The following SRGAP3 variants were observed in gnomAD, a reference collection of about 807,000 sequenced individuals.
SRGAP3 encodes the protein SLIT-ROBO Rho GTPase activating protein 3, also known as SLIT-ROBO Rho GTPase-activating protein 3.
In SRGAP3, 39 loss-of-function variants were observed where a neutral mutation model predicts 121.1. The ratio of observed to expected loss-of-function variants is 0.32; its 90% CI spans 0.25 to 0.42. The LOEUF (loss-of-function observed/expected upper bound fraction) is 0.42. Ranked by LOEUF, SRGAP3 falls within the 10% of genes least tolerant of loss-of-function variation. The pLI is 1.00. For missense variants in SRGAP3, 1,213 were observed against 1,470.6 expected (o/e 0.82, Z 2.86); for synonymous variants, 601 against 570.0 (o/e 1.05, Z -0.77).
chr3:9,284,647 T>C (rs1426274402), intron 3 of SRGAP3, among the ~76,000 whole-genome samples: 1 of 152,062 alleles, frequency 6.6e-6, no homozygotes, highest in African/African-American at 2.4e-5. Flanking sequence ...CTGAACAACG[T>C]GATAAAATCC....
At chr3:9,022,151 AC>A (rs1336473067) in intron 14 of SRGAP3, among the ~76,000 whole-genome samples, 1 of 152,092 alleles carries the variant, frequency 6.6e-6, no homozygotes, top group African/African-American at 2.4e-5. Flanking sequence ...ACATGGTGAA[AC>A]CCTGTCTCTA....
intron 3 of SRGAP3, among the ~76,000 whole-genome samples, chr3:9,099,665 A>G (rs1948130401): frequency 6.6e-6 from 1 of 152,232 alleles, no homozygotes; most frequent in African/African-American, 2.4e-5. Context: ...GTCATTCTCC[A>G]TGTATGGTCC....
At chr3:9,244,300 C>A (rs1953748700) in intron 1 of SRGAP3, among the ~76,000 whole-genome samples, 1 of 152,064 alleles carries the variant, frequency 6.6e-6, no homozygotes, top group Non-Finnish European at 1.5e-5. Context: ...AGACTAGGTA[C>A]AATGTAGATA....
rs143225889 is a variant in SRGAP3, at chr3:9,029,639, A to G, written c.1540-2644T>C. ...TTAGTTCAATGTTCTTTCAGAAGGC[A>G]TGTGAATTATAATAGAAAATTAAAT... On this transcript the variant is annotated intron_variant, in intron 12 of 21. Coordinates refer to ENST00000383836, the MANE Select transcript of SRGAP3 (RefSeq NM_014850.4). 3.8e-4 allele frequency among the ~76,000 whole-genome samples: 58 copies of G among 152,382 alleles called. No homozygotes were observed. The East Asian group carries it at 0.01, about 27-fold the overall frequency.
At chr3:9,051,017 C>CTTTTTT (rs71049766) in intron 9 of SRGAP3, among the ~76,000 whole-genome samples, 4 of 81,856 alleles carry the variant, frequency 4.9e-5, no homozygotes, top group Non-Finnish European at 9.4e-5. Context: ...AGCCTCATTG[C>CTTTTTT]TTTTTTTTTT....
intron 1 of SRGAP3, among the ~76,000 whole-genome samples, chr3:9,241,585 T>C (rs1424455683): frequency 6.6e-6 from 1 of 152,212 alleles, no homozygotes; most frequent in Admixed American, 6.5e-5. Flanking sequence ...CCTCTCCCAG[T>C]GAAACCTCTA....
intron 10 of SRGAP3, 59 bp from the exon 11 acceptor site, chr3:9,038,149 T>C (rs1158164123): frequency 8.1e-6 from 13 of 1,605,808 alleles, no homozygotes; most frequent in South Asian, 3.3e-5. Context: ...CCAAAGAACA[T>C]TCATCTTTTT....
chr3:9,138,458 T>C (rs75775734), intron 1 of SRGAP3, among the ~76,000 whole-genome samples: 3,485 of 152,270 alleles, frequency 0.023, 119 homozygotes, highest in African/African-American at 0.08. Flanking sequence ...TGCTAGCACC[T>C]AAGAGCAACT....
intron 1 of SRGAP3, among the ~76,000 whole-genome samples, chr3:9,189,312 T>C (rs1354773420): frequency 6.6e-6 from 1 of 152,200 alleles, no homozygotes; most frequent in African/African-American, 2.4e-5. Context: ...AACTGAAGGT[T>C]AGGAAATGTT....
At chr3:9,359,671 C>T (rs1461384890) in intron 1 of SRGAP3, among the ~76,000 whole-genome samples, 3 of 152,108 alleles carry the variant, frequency 2.0e-5, no homozygotes, top group African/African-American at 7.2e-5. Flanking sequence ...GCCAAGTAGG[C>T]AGGTGAAAGG....
In SRGAP3 at chr3:9,165,701, C is replaced by T. The variant is rs774834529; in HGVS notation, c.68-40784G>A. On this transcript the variant is annotated intron_variant, in intron 1 of 21. Coordinates refer to ENST00000383836, the MANE Select transcript of SRGAP3 (RefSeq NM_014850.4). ...CCTCCTCCTTGCCACCTCCACCCTGCTCAGCCACACCTGTGTTCTTCAGTC... is the reference window on the plus strand; with the variant it reads ...CCTCCTCCTTGCCACCTCCACCCTGTTCAGCCACACCTGTGTTCTTCAGTC... Among the ~76,000 whole-genome samples, 42 of 152,320 alleles carry T rather than the reference C, an allele frequency of 2.8e-4. 1 individual carries two copies. Among genetic ancestry groups the T allele is most frequent in the Admixed American group, 1.2e-3 (18 of 15,304 alleles).
At chr3:9,176,315 T>A (rs886855246) in intron 1 of SRGAP3, among the ~76,000 whole-genome samples, 3 of 152,212 alleles carry the variant, frequency 2.0e-5, no homozygotes, top group Non-Finnish European at 4.4e-5. Flanking sequence ...TGAGATGGCA[T>A]GAAAATGCAT....
intron 3 of SRGAP3, among the ~76,000 whole-genome samples, chr3:9,314,256 G>A (rs1446675619): frequency 1.3e-5 from 2 of 152,140 alleles, no homozygotes; most frequent in Non-Finnish European, 2.9e-5. Context: ...GACCACAACA[G>A]GGTGAGAAGA....
At chr3:9,358,506 ATT>A (rs1267468109) in intron 1 of SRGAP3, among the ~76,000 whole-genome samples, 1 of 152,174 alleles carries the variant, frequency 6.6e-6, no homozygotes, top group Admixed American at 6.5e-5. Context: ...ATATGTGGGG[ATT>A]TCTCCTCATC....
intron 1 of SRGAP3, among the ~76,000 whole-genome samples, chr3:9,351,790 AG>A (rs2030178323): frequency 6.6e-6 from 1 of 152,220 alleles, no homozygotes; most frequent in South Asian, 2.1e-4. Flanking sequence ...CAAACAGCCT[AG>A]GTGTTGTCAA....
chr3:9,111,908 T>G (rs1298650686), intron 2 of SRGAP3, among the ~76,000 whole-genome samples: 1 of 152,216 alleles, frequency 6.6e-6, no homozygotes, highest in Non-Finnish European at 1.5e-5. Flanking sequence ...GTTAGAAATT[T>G]TGCATATGTA....
At chr3:9,053,845 C>T (rs1004302019) in intron 8 of SRGAP3, among the ~76,000 whole-genome samples, 11 of 152,340 alleles carry the variant, frequency 7.2e-5, no homozygotes, top group Admixed American at 2.0e-4. Flanking sequence ...GCAGGGCCCA[C>T]GGGCCCTGAC....
chr3:9,331,400 A>G (rs1016980431), intron 1 of SRGAP3, among the ~76,000 whole-genome samples: 18 of 152,054 alleles, frequency 1.2e-4, no homozygotes, highest in African/African-American at 4.1e-4. Flanking sequence ...ATGCAATTAC[A>G]TATGCATGCA....
intron 1 of SRGAP3, among the ~76,000 whole-genome samples, chr3:9,220,352 C>T (rs1304280074): frequency 6.6e-6 from 1 of 152,124 alleles, no homozygotes; most frequent in Non-Finnish European, 1.5e-5. Flanking sequence ...AAAAAGAATT[C>T]ATATCCAGAT....
Sources: allele counts gnomAD v4.1 joint callset (sites outside exome capture counted in the v4.1 genomes callset), GRCh38; gene constraint gnomAD v4.1.1; transcripts MANE v1.5; gene names NCBI Gene and HGNC (gene_info 2026-07-23, HGNC 2026-07-21).